Variants in ERBIN observed in about 807,000 individuals in gnomAD.
ERBIN encodes erbb2 interacting protein.
Under a neutral mutation model 158.4 loss-of-function variants are expected in ERBIN, and 60 were observed. That is an observed-to-expected ratio of 0.38 (90% CI 0.31 to 0.47). The LOEUF (loss-of-function observed/expected upper bound fraction) is 0.47, where lower values mean the gene tolerates loss of function less well. Ranked by LOEUF, ERBIN falls within the 20% of genes least tolerant of loss-of-function variation. ERBIN has a pLI of 0.99. For synonymous variants in ERBIN, 594 were observed against 557.2 expected (o/e 1.07, Z -0.93); for missense variants, 1,610 against 1,648.0 (o/e 0.98, Z 0.40).
At chr5:65,981,744 A>T (rs1750687318) in intron 1 of ERBIN, among the ~76,000 whole-genome samples, 1 of 152,042 alleles carries the variant, frequency 6.6e-6, no homozygotes, top group Non-Finnish European at 1.5e-5. Flanking sequence ...ATTTCTCTGA[A>T]TTATGTGAAT....
At chr5:65,959,480 C>T (rs1460885992) in intron 1 of ERBIN, among the ~76,000 whole-genome samples, 1 of 152,158 alleles carries the variant, frequency 6.6e-6, no homozygotes, top group Non-Finnish European at 1.5e-5. Context: ...GGTCATCTTA[C>T]ACAAAGTGAA....
Position 66,077,076 on chromosome 5 carries a change from G to A in ERBIN, c.4131+127G>A, listed in dbSNP as rs184688798. On this transcript the variant is annotated intron_variant, in intron 25 of 25. Coordinates refer to ENST00000284037, the MANE Select transcript of ERBIN (RefSeq NM_001253697.2). Reference sequence around the variant, plus strand: ...TGAGGCAGGAGAATGGCGTGAACCCGGGAGGCGGCACTTGCAGCGAGCCGA... The same window carrying A: ...TGAGGCAGGAGAATGGCGTGAACCCAGGAGGCGGCACTTGCAGCGAGCCGA... 7.5e-4 allele frequency: 475 copies of A among 632,868 alleles called. 3 individuals are homozygous for A. In the African/African-American group the frequency reaches 8.4e-3, roughly 11 times the overall value. 39.2% of individuals were successfully genotyped at this position (632,868 alleles called of 1,614,324 possible). A position where few individuals can be genotyped will look rare whatever the true frequency, so the allele number is the denominator to read the frequency against.
At chr5:66,055,965 A>T (rs1273832274) in intron 21 of ERBIN, among the ~76,000 whole-genome samples, 2 of 152,150 alleles carry the variant, frequency 1.3e-5, no homozygotes, top group Non-Finnish European at 2.9e-5. Context: ...CTTCATTCTC[A>T]TCTATGCATT....
At chr5:66,052,046 A>C (rs1347555921) in intron 20 of ERBIN, among the ~76,000 whole-genome samples, 1 of 151,824 alleles carries the variant, frequency 6.6e-6, no homozygotes, top group Non-Finnish European at 1.5e-5. Flanking sequence ...TCTACAAAAA[A>C]ATTGGCCAGG....
At chr5:66,047,671 A>G (rs1429427974) in intron 18 of ERBIN, among the ~76,000 whole-genome samples, 1 of 152,038 alleles carries the variant, frequency 6.6e-6, no homozygotes, top group Non-Finnish European at 1.5e-5. Flanking sequence ...AATGCATTCA[A>G]GCACACCATC....
chr5:66,014,785 T>A, intron 7 of ERBIN, 60 bp downstream of exon 7: 1 of 814,256 alleles, frequency 1.2e-6, no homozygotes, highest in Non-Finnish European at 1.9e-6. Flanking sequence ...ATTAAGTCTT[T>A]AAAAATGTAA....
chr5:66,038,356 A>G, intron 14 of ERBIN, 27 bp from the exon 15 acceptor site: 1 of 1,481,404 alleles, frequency 6.8e-7, no homozygotes, highest in Non-Finnish European at 9.4e-7. Flanking sequence ...GGTTATTGAA[A>G]ATTAAGCATT....
At chr5:65,984,640 T>C (rs1751021005) in intron 1 of ERBIN, 2 of 152,356 alleles carry the variant, frequency 1.3e-5, no homozygotes, top group African/African-American at 4.8e-5. Flanking sequence ...GCTGACACTT[T>C]GGCCTGAAAT....
intron 1 of ERBIN, among the ~76,000 whole-genome samples, chr5:65,978,147 CTA>C (rs1305649545): frequency 6.6e-6 from 1 of 152,182 alleles, no homozygotes; most frequent in African/African-American, 2.4e-5. Flanking sequence ...CAAGTCAACT[CTA>C]TGCTAGGAAC....
At chr5:65,976,101 GAA>G (rs1364248543) in intron 1 of ERBIN, among the ~76,000 whole-genome samples, 1 of 152,186 alleles carries the variant, frequency 6.6e-6, no homozygotes, top group East Asian at 1.9e-4. Flanking sequence ...ATGAGGAAGT[GAA>G]CTGGTGGAAT....
intron 21 of ERBIN, among the ~76,000 whole-genome samples, chr5:66,069,699 G>A (rs1346472708): frequency 6.6e-6 from 1 of 152,118 alleles, no homozygotes; most frequent in East Asian, 1.9e-4. Context: ...GTAGTAGCAT[G>A]GTCTCTAGAA....
chr5:66,001,095 G>T (rs1350314052), intron 4 of ERBIN, among the ~76,000 whole-genome samples: 1 of 152,028 alleles, frequency 6.6e-6, no homozygotes, highest in Non-Finnish European at 1.5e-5. Flanking sequence ...TTGCATTTTT[G>T]ATTTGATAAT....
chr5:65,993,871 T>C (rs1385456244), intron 3 of ERBIN, among the ~76,000 whole-genome samples: 1 of 152,230 alleles, frequency 6.6e-6, no homozygotes, highest in Non-Finnish European at 1.5e-5. Context: ...GTTGTTTGTC[T>C]GAAATTCAAA....
rs1762247916 is a variant in ERBIN, at chr5:66,078,912, T to C, written c.*382T>C. On this transcript the variant is annotated 3_prime_UTR_variant, in exon 26 of 26. Coordinates refer to ENST00000284037, the MANE Select transcript of ERBIN (RefSeq NM_001253697.2). ...ACAGATGGCAGAGCTATCTCTCTCA[T>C]AGCTTTTATGCCCTTATTTTTATTC... is the stretch of plus-strand genomic sequence containing the variant. 1 of 178,354 alleles carries C rather than the reference T, an allele frequency of 5.6e-6. No homozygotes were observed. The allele number at this position is 178,354 out of a possible 1,614,324, so 11.0% of individuals were successfully genotyped here.
At position 65,940,476 on chromosome 5, in the gene ERBIN, T is replaced by TCC. The variant is rs1244777484; in HGVS notation, c.-58+13681_-58+13682dup. Among the ~76,000 whole-genome samples, 87 of 18,478 alleles carry TCC rather than the reference T, an allele frequency of 4.7e-3. 8 individuals are homozygous for TCC. Among genetic ancestry groups the TCC allele is most frequent in the East Asian group, 0.01 (7 of 694 alleles). The allele number at this position is 18,478 out of a possible 152,430, so 12.1% of individuals were successfully genotyped here. On this transcript the variant is annotated intron_variant, in intron 1 of 25. Coordinates refer to ENST00000284037, the MANE Select transcript of ERBIN (RefSeq NM_001253697.2). The stretch of plus-strand genomic sequence containing the variant: ...TCCGGGAGGGAGGTGGGGGGGTCAG[T>TCC]CCCCCCCCCCCCGGCCAGCCGCCCC...
chr5:66,066,594 A>G (rs377545682), intron 21 of ERBIN, among the ~76,000 whole-genome samples: 23 of 152,214 alleles, frequency 1.5e-4, no homozygotes, highest in East Asian at 5.8e-4. Flanking sequence ...TGAAAATTTC[A>G]AGATTTATTT....
At chr5:65,978,300 C>T (rs961183009) in intron 1 of ERBIN, among the ~76,000 whole-genome samples, 2 of 152,054 alleles carry the variant, frequency 1.3e-5, no homozygotes, top group Non-Finnish European at 2.9e-5. Flanking sequence ...GGTCTAATGT[C>T]AGTTTTTCAT....
chr5:66,038,610 T>C, intron 15 of ERBIN, 128 bp downstream of exon 15: 1 of 615,032 alleles, frequency 1.6e-6, no homozygotes, highest in South Asian at 2.8e-5. Context: ...AAACAGTTTG[T>C]TTCGAAATAA....
At chr5:65,965,372 G>GTTT (rs1748449086) in intron 1 of ERBIN, among the ~76,000 whole-genome samples, 1 of 113,852 alleles carries the variant, frequency 8.8e-6, no homozygotes, top group Non-Finnish European at 1.8e-5. Context: ...TACCAGATTT[G>GTTT]TTTTTTGTTG....
Sources: gnomAD v4.1 joint callset for allele counts (sites outside exome capture counted in the v4.1 genomes callset) on GRCh38, gnomAD v4.1.1 for gene constraint, MANE v1.5 for transcripts, NCBI Gene and HGNC (gene_info 2026-07-23, HGNC 2026-07-21) for gene names.